Variants in CDH23 observed in about 807,000 individuals in gnomAD.
CDH23 encodes the protein cadherin-23.
In CDH23, 189 loss-of-function variants were observed where a neutral mutation model predicts 317.1. The observed-to-expected ratio is 0.60, with a 90% CI of 0.53 to 0.67. The LOEUF (loss-of-function observed/expected upper bound fraction) is 0.67. CDH23 is among the 30% of genes least tolerant of loss of function. The pLI is 0.00. For missense variants in CDH23, 4,401 were observed against 4,592.4 expected, an observed-to-expected ratio of 0.96 and a Z score of 1.20; for synonymous variants, 1,839 against 1,876.8, an observed-to-expected ratio of 0.98 and a Z score of 0.52.
At chr10:71,575,008 G>A (rs372173484) in intron 8 of CDH23, among the ~76,000 whole-genome samples, 67 of 151,358 alleles carry the variant, frequency 4.4e-4, no homozygotes, top group African/African-American at 1.4e-3. Flanking sequence ...TCTGAGCCTC[G>A]GTTTGCTCAC....
At chr10:71,695,598 C>A in intron 22 of CDH23, 73 bp downstream of exon 22, 2 of 1,061,714 alleles carry the variant, frequency 1.9e-6, no homozygotes, top group South Asian at 1.3e-5. Flanking sequence ...ACTGCGATTC[C>A]AGGGGGCCTT....
chr10:71,798,963 G>A, intron 50 of CDH23, 148 bp from the exon 51 acceptor site: 1 of 687,166 alleles, frequency 1.5e-6, no homozygotes, highest in Non-Finnish European at 2.4e-6. Flanking sequence ...TCCCTGCCGT[G>A]TGCCCTGCAA....
intron 40 of CDH23, 97 bp downstream of exon 40, chr10:71,778,405 T>A: frequency 6.7e-7 from 1 of 1,497,234 alleles, no homozygotes; most frequent in Non-Finnish European, 9.1e-7. Flanking sequence ...GGGAAGATTG[T>A]CTGAGGGAAA....
Position 71,570,903 on chromosome 10 carries a change from C to T in CDH23, c.738C>T (p.Tyr246=), listed in dbSNP as rs745668474. ...ACCTGCCTTACAGCACCAACATCTA[C>T]GAGCATTCTCCTCCGGTAAGACTCC... ...FINLPYSTNI[Y]EHSPPGTTVR... The change falls in exon 8 of 70, where the codon TAC becomes TAT. Residue 246 remains tyrosine, a synonymous_variant. Coordinates refer to ENST00000224721, the MANE Select transcript of CDH23 (RefSeq NM_022124.6). 28 of 1,613,882 alleles carry T rather than the reference C, an allele frequency of 1.7e-5. No individual in the cohort carries two copies. Among genetic ancestry groups the T allele is most frequent in the South Asian group, 6.6e-5 (6 of 91,078 alleles).
chr10:71,413,546 A>G (rs1848421076), intron 1 of CDH23, among the ~76,000 whole-genome samples: 1 of 152,230 alleles, frequency 6.6e-6, no homozygotes, highest in African/African-American at 2.4e-5. Context: ...TAAGAATTAC[A>G]TTAAGTCTGT....
At chr10:71,571,011 GCTC>G in intron 8 of CDH23, 93 bp downstream of exon 8, 1 of 1,446,608 alleles carries the variant, frequency 6.9e-7, no homozygotes, top group Non-Finnish European at 9.5e-7. Flanking sequence ...AGTGGGCTGG[GCTC>G]CTCCTTGGCT....
chr10:71,507,315 A>G (rs1853697089), intron 3 of CDH23, among the ~76,000 whole-genome samples: 1 of 152,242 alleles, frequency 6.6e-6, no homozygotes, highest in South Asian at 2.1e-4. Flanking sequence ...GAGCAATGGA[A>G]AAGAAATGTA....
intron 1 of CDH23, among the ~76,000 whole-genome samples, chr10:71,418,752 G>T (rs1848631782): frequency 6.6e-6 from 1 of 152,166 alleles, no homozygotes; most frequent in Non-Finnish European, 1.5e-5. Context: ...CATGGAGATT[G>T]TTGACCTGCC....
chr10:71,812,983 G>A, intron 68 of CDH23, 93 bp downstream of exon 68: 1 of 1,550,256 alleles, frequency 6.5e-7, no homozygotes, highest in Middle Eastern at 2.0e-4. Flanking sequence ...TCCAGGCTCA[G>A]CTAGACCCAC....
intron 14 of CDH23, among the ~76,000 whole-genome samples, chr10:71,664,123 C>A (rs1447486099): frequency 1.3e-5 from 2 of 152,180 alleles, no homozygotes; most frequent in African/African-American, 4.8e-5. Context: ...ACCCCTCCTC[C>A]AGGCATCTCC....
At position 71,489,501 on chromosome 10, in the gene CDH23, AT is replaced by A. The variant is rs1852527813; in HGVS notation, c.146-20579del. Among the ~76,000 whole-genome samples the A allele has an allele frequency of 3.3e-5, 5 of 152,174 alleles. No homozygotes were observed. The South Asian group carries it at 1.0e-3, about 32-fold the overall frequency. On this transcript the variant is annotated intron_variant, in intron 3 of 69. Coordinates refer to ENST00000224721, the MANE Select transcript of CDH23 (RefSeq NM_022124.6). ...TTGAAACACAGTAAACATGTTTTAC[AT>A]TCTATGCCTGATAATTGTAATATCT... is the stretch of plus-strand genomic sequence containing the variant.
intron 1 of CDH23, among the ~76,000 whole-genome samples, chr10:71,407,475 G>C (rs1246259307): frequency 6.6e-6 from 1 of 152,238 alleles, no homozygotes; most frequent in African/African-American, 2.4e-5. Flanking sequence ...ACCCTGAGCA[G>C]GTTACCCCCA....
intron 38 of CDH23, among the ~76,000 whole-genome samples, chr10:71,754,842 A>G (rs1840092526): frequency 6.6e-6 from 1 of 152,214 alleles, no homozygotes; most frequent in African/African-American, 2.4e-5. Context: ...TCTGCCACTT[A>G]CTAAGTTACG....
At chr10:71,625,411 A>C (rs28473604) in intron 11 of CDH23, among the ~76,000 whole-genome samples, 9,513 of 130,062 alleles carry the variant, frequency 0.073, 1,356 homozygotes, top group African/African-American at 0.22. Flanking sequence ...AAAAAAAAAA[A>C]AAAAAAAAAA....
chr10:71,571,698 C>A (rs527613045), intron 8 of CDH23, among the ~76,000 whole-genome samples: 1 of 152,166 alleles, frequency 6.6e-6, no homozygotes, highest in Non-Finnish European at 1.5e-5. Context: ...TAGAAAAATG[C>A]GCCTCCCCTA....
At chr10:71,651,411 T>C (rs61852013) in intron 14 of CDH23, among the ~76,000 whole-genome samples, 13,469 of 151,342 alleles carry the variant, frequency 0.089, 789 homozygotes, top group Non-Finnish European at 0.13. Context: ...CATACACCTT[T>C]AGTTCCAGCT....
At chr10:71,675,227 C>A in intron 15 of CDH23, 51 bp downstream of exon 15, 1 of 1,488,168 alleles carries the variant, frequency 6.7e-7, no homozygotes. Context: ...GTCCTTGGCC[C>A]TCCCCAGACT....
chr10:71,755,103 A>T, intron 38 of CDH23: 1 of 634,228 alleles, frequency 1.6e-6, no homozygotes, highest in Non-Finnish European at 2.9e-6. Flanking sequence ...ATTCATTCAG[A>T]AGACATGTAT....
At chr10:71,592,021 G>A (rs138561787) in intron 9 of CDH23, among the ~76,000 whole-genome samples, 4 of 152,262 alleles carry the variant, frequency 2.6e-5, no homozygotes, top group South Asian at 2.1e-4. Flanking sequence ...GTGGACAGAC[G>A]GATCAGACTG....
Sources: gnomAD v4.1 joint callset for allele counts (sites outside exome capture counted in the v4.1 genomes callset) on GRCh38, gnomAD v4.1.1 for gene constraint, MANE v1.5 for transcripts, NCBI Gene and HGNC (gene_info 2026-07-23, HGNC 2026-07-21) for gene names.